ABCC9: variants seen among roughly 807,000 people sequenced by gnomAD.
ABCC9 encodes ATP-binding cassette sub-family C member 9.
In ABCC9, 95 loss-of-function variants were observed where a neutral mutation model predicts 188.3. The ratio of observed to expected loss-of-function variants is 0.50; its 90% CI spans 0.43 to 0.60. The LOEUF is 0.60. ABCC9 is among the 20% of genes least tolerant of loss of function. The probability of loss-of-function intolerance (pLI) is 0.00; values close to 1 mark genes in which losing one functional copy is unlikely to be tolerated. For synonymous variants in ABCC9, 659 were observed against 652.7 expected, an observed-to-expected ratio of 1.01 and a Z score of -0.15; for missense variants, 1,102 against 1,876.3, an observed-to-expected ratio of 0.59 and a Z score of 7.62.
intron 14 of ABCC9, among the ~76,000 whole-genome samples, chr12:21,893,206 A>G (rs1947254613): frequency 6.6e-6 from 1 of 151,854 alleles, no homozygotes; most frequent in Non-Finnish European, 1.5e-5. Context: ...TATCACATCT[A>G]TTTTTATAGC....
intron 7 of ABCC9, 36 bp from the exon 8 acceptor site, chr12:21,913,102 A>G (rs1948398560): frequency 1.9e-6 from 3 of 1,551,062 alleles, no homozygotes; most frequent in Non-Finnish European, 1.8e-6. Flanking sequence ...AACAGATGTA[A>G]CAAAATAAAA....
At chr12:21,805,310 T>TAGTTATCTTA in intron 39 of ABCC9, 1 of 1,613,616 alleles carries the variant, frequency 6.2e-7, no homozygotes, top group Non-Finnish European at 8.5e-7. Flanking sequence ...AGAGACACGG[T>TAGTTATCTTA]GCTGGAGAGA....
At chr12:21,937,354 G>A (rs1429012939) in intron 2 of ABCC9, among the ~76,000 whole-genome samples, 1 of 152,198 alleles carries the variant, frequency 6.6e-6, no homozygotes, top group Non-Finnish European at 1.5e-5. Flanking sequence ...CTCTACGCAA[G>A]TTTGAAACGC....
intron 12 of ABCC9, among the ~76,000 whole-genome samples, chr12:21,896,194 G>T (rs551550723): frequency 1.3e-5 from 2 of 149,072 alleles, no homozygotes; most frequent in South Asian, 4.2e-4. Context: ...ATGCTGGTGC[G>T]CTGCAATCTA....
At chr12:21,905,202 A>G (rs1291613896) in intron 12 of ABCC9, among the ~76,000 whole-genome samples, 4 of 152,184 alleles carry the variant, frequency 2.6e-5, no homozygotes, top group Non-Finnish European at 5.9e-5. Context: ...GTTCTCACTC[A>G]TAGGTGGGAA....
intron 25 of ABCC9, among the ~76,000 whole-genome samples, chr12:21,847,418 C>T (rs890751898): frequency 6.6e-6 from 1 of 151,964 alleles, no homozygotes; most frequent in East Asian, 1.9e-4. Context: ...AATATAAAAG[C>T]ACATTTTGGT....
chr12:21,846,339 T>C (rs1944669588), intron 25 of ABCC9, among the ~76,000 whole-genome samples: 1 of 152,182 alleles, frequency 6.6e-6, no homozygotes, highest in Non-Finnish European at 1.5e-5. Context: ...TAGGAATTCC[T>C]CTCAGATGTT....
intron 25 of ABCC9, among the ~76,000 whole-genome samples, chr12:21,846,225 T>C (rs572091025): frequency 6.6e-6 from 1 of 152,236 alleles, no homozygotes; most frequent in South Asian, 2.1e-4. Context: ...GGGAGTAAGC[T>C]CTGAAATCTG....
At chr12:21,927,927 A>G (rs1949105572) in intron 4 of ABCC9, among the ~76,000 whole-genome samples, 1 of 152,172 alleles carries the variant, frequency 6.6e-6, no homozygotes, top group Non-Finnish European at 1.5e-5. Flanking sequence ...ATTGAATCAA[A>G]GAAAGAATCT....
intron 22 of ABCC9, among the ~76,000 whole-genome samples, chr12:21,853,192 T>C (rs1007933616): frequency 3.3e-5 from 5 of 152,036 alleles, no homozygotes; most frequent in African/African-American, 9.7e-5. Flanking sequence ...CGTGGGCTTG[T>C]AATCCCAGCT....
At chr12:21,866,606 A>G (rs1489175225) in intron 18 of ABCC9, among the ~76,000 whole-genome samples, 1 of 152,194 alleles carries the variant, frequency 6.6e-6, no homozygotes, top group Non-Finnish European at 1.5e-5. Context: ...AACTAATACA[A>G]TGATTTGCAT....
intron 14 of ABCC9, among the ~76,000 whole-genome samples, chr12:21,893,176 ATGG>A (rs1195613867): frequency 5.1e-5 from 3 of 59,306 alleles, no homozygotes; most frequent in Non-Finnish European, 9.7e-5. Flanking sequence ...ATAAGTAAAA[ATGG>A]TGGAAAAATG....
intron 25 of ABCC9, among the ~76,000 whole-genome samples, chr12:21,846,427 A>G (rs977183803): frequency 2.0e-5 from 3 of 152,194 alleles, no homozygotes; most frequent in Admixed American, 6.5e-5. Context: ...TTTCCTGACA[A>G]TCAAAATTTG....
At chr12:21,863,158 C>G in intron 19 of ABCC9, 104 bp from the exon 20 acceptor site, 1 of 776,030 alleles carries the variant, frequency 1.3e-6, no homozygotes, top group South Asian at 1.7e-5. Flanking sequence ...TAAACTATCT[C>G]AGATACAGAA....
At chr12:21,874,643 TGTG>T (rs1181179106) in intron 17 of ABCC9, among the ~76,000 whole-genome samples, 4 of 151,934 alleles carry the variant, frequency 2.6e-5, no homozygotes, top group Non-Finnish European at 5.9e-5. Context: ...ATAAAGAAAA[TGTG>T]GTATATATAT....
At chr12:21,908,010 C>A (rs757810140) in intron 11 of ABCC9, 67 bp downstream of exon 11, 100 of 1,498,350 alleles carry the variant, frequency 6.7e-5, no homozygotes, top group Non-Finnish European at 8.4e-5. Context: ...GTATTAATTT[C>A]CTATATTATA....
chr12:21,893,252 G>A (rs1008148203), intron 14 of ABCC9, among the ~76,000 whole-genome samples: 3 of 152,158 alleles, frequency 2.0e-5, no homozygotes, highest in Admixed American at 1.3e-4. Flanking sequence ...GACAAAATCT[G>A]CACTGGTTGG....
At chr12:21,926,457 C>T (rs956446955) in intron 4 of ABCC9, among the ~76,000 whole-genome samples, 1 of 152,332 alleles carries the variant, frequency 6.6e-6, no homozygotes, top group Middle Eastern at 3.4e-3. Flanking sequence ...ACTTGATAGT[C>T]TTCAGTGATT....
At chr12:21,879,892 T>A (rs1377256145) in intron 16 of ABCC9, among the ~76,000 whole-genome samples, 1 of 151,934 alleles carries the variant, frequency 6.6e-6, no homozygotes, top group Non-Finnish European at 1.5e-5. Context: ...CTAAAAGGTG[T>A]CAATGTTCGT....
Sources: allele counts gnomAD v4.1 joint callset (sites outside exome capture counted in the v4.1 genomes callset), GRCh38; gene constraint gnomAD v4.1.1; transcripts MANE v1.5; gene names NCBI Gene and HGNC (gene_info 2026-07-23, HGNC 2026-07-21).